STK32A: variants seen among roughly 807,000 people sequenced by gnomAD.
STK32A encodes the protein serine/threonine-protein kinase 32A.
Under a neutral mutation model 53.2 loss-of-function variants are expected in STK32A, and 41 were observed. That is an observed-to-expected ratio of 0.77 (90% CI 0.60 to 1.00). STK32A has a LOEUF of 1.00. STK32A is among the 50% of genes least tolerant of loss of function. The probability of loss-of-function intolerance (pLI) is 0.00; values close to 1 mark genes in which losing one functional copy is unlikely to be tolerated. For synonymous variants in STK32A, 166 were observed against 162.8 expected (o/e 1.02, Z -0.15); for missense variants, 458 against 485.8 (o/e 0.94, Z 0.54).
At chr5:147,338,941 G>A (rs997745551) in intron 5 of STK32A, among the ~76,000 whole-genome samples, 1 of 152,302 alleles carries the variant, frequency 6.6e-6, no homozygotes, top group African/African-American at 2.4e-5. Flanking sequence ...TTAAAGAAAA[G>A]CAGGGAATAA....
chr5:147,247,180 A>G (rs1426830433), intron 2 of STK32A, among the ~76,000 whole-genome samples: 1 of 152,236 alleles, frequency 6.6e-6, no homozygotes, highest in Non-Finnish European at 1.5e-5. Flanking sequence ...GCAGGCCTTC[A>G]TGGGAGCTGA....
intron 2 of STK32A, among the ~76,000 whole-genome samples, chr5:147,243,504 C>T (rs1340520471): frequency 9.1e-5 from 5 of 54,886 alleles, no homozygotes; most frequent in African/African-American, 3.3e-4. Context: ...TTCAGGAGGC[C>T]GAGGCGGGCA....
At chr5:147,388,267 TG>T (rs779719477), downstream of STK32A, among the ~76,000 whole-genome samples, 1 of 152,144 alleles carries the variant, frequency 6.6e-6, no homozygotes, top group Non-Finnish European at 1.5e-5. Context: ...GTCCATCACC[TG>T]GGACAGAAAG....
At chr5:147,349,343 T>C (rs1755844893) in intron 6 of STK32A, among the ~76,000 whole-genome samples, 2 of 152,228 alleles carry the variant, frequency 1.3e-5, no homozygotes, top group African/African-American at 4.8e-5. Context: ...ACAAAGAAGT[T>C]TGATACAGGG....
At chr5:147,325,790 T>C (rs1754555215) in intron 5 of STK32A, among the ~76,000 whole-genome samples, 2 of 152,170 alleles carry the variant, frequency 1.3e-5, no homozygotes, top group South Asian at 4.1e-4. Flanking sequence ...TCATAGCTCT[T>C]TCTGAAGAGA....
At chr5:147,350,128 T>A (rs1211176859) in intron 6 of STK32A, among the ~76,000 whole-genome samples, 1 of 150,268 alleles carries the variant, frequency 6.7e-6, no homozygotes, top group Non-Finnish European at 1.5e-5. Context: ...AAAATTAAAT[T>A]AAATTTAAAA....
chr5:147,357,749 G>A (rs1200727102), intron 7 of STK32A, among the ~76,000 whole-genome samples: 3 of 151,948 alleles, frequency 2.0e-5, no homozygotes, highest in African/African-American at 7.2e-5. Context: ...ACTTAACTCA[G>A]TTGTATATTA....
chr5:147,296,149 T>C (rs963955161), intron 4 of STK32A, among the ~76,000 whole-genome samples: 6 of 152,246 alleles, frequency 3.9e-5, no homozygotes, highest in African/African-American at 1.4e-4. Context: ...AATCTGTATG[T>C]GTCTGCAGCA....
At chr5:147,381,255 A>G (rs764627576) in intron 11 of STK32A, among the ~76,000 whole-genome samples, 1 of 152,182 alleles carries the variant, frequency 6.6e-6, no homozygotes, top group Non-Finnish European at 1.5e-5. Flanking sequence ...AAAGTTTCTG[A>G]TAAGAAATCT....
chr5:147,367,851 GA>G (rs1259696297), intron 8 of STK32A, among the ~76,000 whole-genome samples: 4 of 151,966 alleles, frequency 2.6e-5, no homozygotes, highest in Admixed American at 2.6e-4. Context: ...CACCTTCTAG[GA>G]AAAAATGACC....
At chr5:147,389,973 C>T (rs1485494774), downstream of STK32A, among the ~76,000 whole-genome samples, 2 of 152,238 alleles carry the variant, frequency 1.3e-5, no homozygotes, top group African/African-American at 4.8e-5. Flanking sequence ...GGGTCTAGCA[C>T]TTAGATCCAA....
chr5:147,280,428 A>C, intron 4 of STK32A, among the ~76,000 whole-genome samples: 1 of 4,252 alleles, frequency 2.4e-4, no homozygotes, highest in Admixed American at 3.3e-3. Context: ...GGGGTTGGGG[A>C]TGGGGGAGGG....
chr5:147,251,539 T>A (rs1396089201), intron 2 of STK32A, among the ~76,000 whole-genome samples: 1 of 152,218 alleles, frequency 6.6e-6, no homozygotes, highest in East Asian at 1.9e-4. Flanking sequence ...TACCATTTTT[T>A]CAGTTATAGC....
intron 2 of STK32A, among the ~76,000 whole-genome samples, chr5:147,268,326 TA>T (rs1754895721): frequency 6.6e-6 from 1 of 152,186 alleles, no homozygotes; most frequent in Admixed American, 6.5e-5. Flanking sequence ...GAGGTTGTAA[TA>T]ATCTCCTCTA....
At chr5:147,306,254 G>A (rs959421650) in intron 4 of STK32A, among the ~76,000 whole-genome samples, 7 of 151,858 alleles carry the variant, frequency 4.6e-5, no homozygotes, top group Admixed American at 1.3e-4. Context: ...CCCTTTGTTG[G>A]GAAGTGCTTG....
At chr5:147,368,807 T>C (rs1302002920) in intron 8 of STK32A, among the ~76,000 whole-genome samples, 1 of 152,176 alleles carries the variant, frequency 6.6e-6, no homozygotes, top group Non-Finnish European at 1.5e-5. Flanking sequence ...TGTACACACT[T>C]AAACCAGCTG....
At chr5:147,349,774 C>T (rs758907925) in intron 6 of STK32A, among the ~76,000 whole-genome samples, 3 of 152,034 alleles carry the variant, frequency 2.0e-5, no homozygotes, top group Admixed American at 6.5e-5. Context: ...GAACCCAGGC[C>T]TCCTGGCTCC....
intron 11 of STK32A, among the ~76,000 whole-genome samples, chr5:147,377,432 T>C (rs537256828): frequency 6.6e-6 from 1 of 152,284 alleles, no homozygotes; most frequent in Non-Finnish European, 1.5e-5. Context: ...TTTCTATCTG[T>C]TGATTTTAAG....
intron 2 of STK32A, among the ~76,000 whole-genome samples, chr5:147,261,628 T>C (rs186168889): frequency 1.0e-3 from 157 of 152,256 alleles, no homozygotes; most frequent in African/African-American, 3.7e-3. Flanking sequence ...TTGAACATAC[T>C]GACATATTAA....
Sources: allele counts gnomAD v4.1 joint callset (sites outside exome capture counted in the v4.1 genomes callset), GRCh38; gene constraint gnomAD v4.1.1; transcripts MANE v1.5; gene names NCBI Gene and HGNC (gene_info 2026-07-23, HGNC 2026-07-21).